Variants in COL24A1 observed in about 807,000 individuals in gnomAD.
The protein encoded by COL24A1 is collagen alpha-1(XXIV) chain.
In COL24A1, 224 loss-of-function variants were observed where a neutral mutation model predicts 253.9. That is an observed-to-expected ratio of 0.88 (90% CI 0.79 to 0.99). The LOEUF (loss-of-function observed/expected upper bound fraction) is 0.99, where lower values mean the gene tolerates loss of function less well. Ranked by LOEUF, COL24A1 falls within the 50% of genes least tolerant of loss-of-function variation. COL24A1 has a pLI of 0.00. For missense variants in COL24A1, 2,131 were observed against 2,068.5 expected (o/e 1.03, Z -0.59); for synonymous variants, 685 against 673.7 (o/e 1.02, Z -0.26).
intron 2 of COL24A1, among the ~76,000 whole-genome samples, chr1:86,141,086 G>A (rs1451403008): frequency 1.3e-5 from 2 of 152,146 alleles, no homozygotes; most frequent in African/African-American, 4.8e-5. Flanking sequence ...TTAATGAGTA[G>A]AAGAGACAAC....
chr1:86,048,132 T>A (rs1225423244), intron 11 of COL24A1, among the ~76,000 whole-genome samples: 3 of 148,282 alleles, frequency 2.0e-5, no homozygotes, highest in Non-Finnish European at 4.4e-5. Flanking sequence ...CTAAATCTCA[T>A]CAAGAAGCCA....
chr1:85,849,001 T>C (rs116521848), intron 38 of COL24A1, among the ~76,000 whole-genome samples: 2,337 of 152,294 alleles, frequency 0.015, 55 homozygotes, highest in African/African-American at 0.053. Flanking sequence ...TTCTCTTCCC[T>C]CAAATACTTT....
chr1:85,946,576 C>A (rs1433160128), intron 24 of COL24A1, among the ~76,000 whole-genome samples: 1 of 152,170 alleles, frequency 6.6e-6, no homozygotes, highest in African/African-American at 2.4e-5. Flanking sequence ...ACAACCATCA[C>A]CATTTCTTAA....
At chr1:85,992,196 GT>G (rs1244442542) in intron 19 of COL24A1, among the ~76,000 whole-genome samples, 1 of 152,040 alleles carries the variant, frequency 6.6e-6, no homozygotes, top group Non-Finnish European at 1.5e-5. Flanking sequence ...CCTTGCGATA[GT>G]TTGCTGAGAA....
chr1:86,133,119 G>T (rs1182567446), intron 2 of COL24A1, among the ~76,000 whole-genome samples: 1 of 152,112 alleles, frequency 6.6e-6, no homozygotes, highest in Non-Finnish European at 1.5e-5. Flanking sequence ...TGAAGCAATT[G>T]TGAATGGGAG....
intron 14 of COL24A1, among the ~76,000 whole-genome samples, chr1:86,027,605 C>G (rs958311457): frequency 6.6e-6 from 1 of 152,164 alleles, no homozygotes; most frequent in Admixed American, 6.5e-5. Context: ...CACAGGATGT[C>G]AGGAAATGCC....
At chr1:85,972,984 T>C in intron 20 of COL24A1, among the ~76,000 whole-genome samples, 1 of 152,228 alleles carries the variant, frequency 6.6e-6, no homozygotes, top group African/African-American at 2.4e-5. Flanking sequence ...AGTTTTCATA[T>C]ATTTATGTAA....
intron 37 of COL24A1, among the ~76,000 whole-genome samples, chr1:85,863,245 A>G (rs1306193320): frequency 6.6e-6 from 1 of 152,158 alleles, no homozygotes; most frequent in East Asian, 1.9e-4. Flanking sequence ...CTAAATATAC[A>G]ATCATGTCAT....
At chr1:85,916,636 G>T (rs1685925397) in intron 24 of COL24A1, among the ~76,000 whole-genome samples, 1 of 152,098 alleles carries the variant, frequency 6.6e-6, no homozygotes, top group South Asian at 2.1e-4. Flanking sequence ...CAGTAAGCCT[G>T]AGTGACAGAG....
In COL24A1 at chr1:85,944,671, A is replaced by G. The variant is rs190330239; in HGVS notation, c.2562+16578T>C. On this transcript the variant is annotated intron_variant, in intron 24 of 59. Coordinates refer to ENST00000370571, the MANE Select transcript of COL24A1 (RefSeq NM_152890.7). ...GTGCAGGTTAGTTACGTATGTATAC[A>G]TGTGCCATGATGGTGTGCTGCACCC... is the stretch of plus-strand genomic sequence containing the variant. Among the ~76,000 whole-genome samples the G allele has an allele frequency of 3.9e-5, 6 of 152,092 alleles. No individual in the cohort carries two copies. In the East Asian group the frequency reaches 7.8e-4, roughly 20 times the overall value.
Position 86,112,594 on chromosome 1 carries a change from A to AG in COL24A1, c.1571dup (p.Gly525TrpfsTer29), listed in dbSNP as rs750759033. The AG allele has an allele frequency of 4.3e-6, 7 of 1,613,426 alleles. No homozygotes were observed. The highest frequency in any genetic ancestry group is 5.9e-6 in the Non-Finnish European group (7 of 1,179,554). ...TTGGACCAGGTAATCCAGGTAAACC[A>AG]GGATTTCCATGTGGCCCTGGTATGC... On this transcript the variant is annotated frameshift_variant, in exon 5 of 60. Coordinates refer to ENST00000370571, the MANE Select transcript of COL24A1 (RefSeq NM_152890.7). LOFTEE classifies it high-confidence loss of function.
intron 57 of COL24A1, among the ~76,000 whole-genome samples, chr1:85,738,908 C>T (rs147989258): frequency 6.6e-6 from 1 of 152,268 alleles, no homozygotes; most frequent in Non-Finnish European, 1.5e-5. Context: ...ATCACTAAAA[C>T]ACACATAGCT....
rs145121617 is a variant in COL24A1 at position 85,756,684 on chromosome 1, C to G, written c.4437+4712G>C. 9.3e-3 allele frequency among the ~76,000 whole-genome samples: 1,410 copies of G among 152,206 alleles called. 57 individuals carry two copies. Among genetic ancestry groups the G allele is most frequent in the Admixed American group, 0.062 (954 of 15,280 alleles). Reference sequence around the variant, plus strand: ...TTCTCAAAAATTAGACATAGAATTACTACATGATACAACAGTTTCATTTCT... The same window carrying G: ...TTCTCAAAAATTAGACATAGAATTAGTACATGATACAACAGTTTCATTTCT... On this transcript the variant is annotated intron_variant, in intron 55 of 59. Transcript: ENST00000370571.
At chr1:86,057,256 C>T (rs1310649383) in intron 10 of COL24A1, among the ~76,000 whole-genome samples, 1 of 152,156 alleles carries the variant, frequency 6.6e-6, no homozygotes, top group African/African-American at 2.4e-5. Context: ...CTCCCTTCAC[C>T]TTCCGCTGTG....
chr1:85,862,841 A>G (rs1183621333), intron 37 of COL24A1, among the ~76,000 whole-genome samples: 2 of 152,168 alleles, frequency 1.3e-5, no homozygotes, highest in Non-Finnish European at 1.5e-5. Context: ...AACAAGAAAC[A>G]CTTCTGTGAA....
chr1:85,854,796 T>A (rs1235999206), intron 37 of COL24A1, among the ~76,000 whole-genome samples: 2 of 151,692 alleles, frequency 1.3e-5, no homozygotes, highest in Non-Finnish European at 2.9e-5. Context: ...CCTCACCTCC[T>A]GGGTTCAAGC....
intron 7 of COL24A1, among the ~76,000 whole-genome samples, chr1:86,065,495 G>A (rs1254582550): frequency 6.6e-6 from 1 of 152,138 alleles, no homozygotes; most frequent in Non-Finnish European, 1.5e-5. Context: ...CAAGGTGGCA[G>A]CACCATGCAG....
At chr1:86,097,822 T>C (rs1051926826) in intron 5 of COL24A1, among the ~76,000 whole-genome samples, 4 of 151,966 alleles carry the variant, frequency 2.6e-5, no homozygotes, top group African/African-American at 9.7e-5. Flanking sequence ...CTGATGACTG[T>C]AAACTGTATT....
chr1:85,817,494 C>T (rs1673163242), intron 46 of COL24A1, among the ~76,000 whole-genome samples: 1 of 151,884 alleles, frequency 6.6e-6, no homozygotes, highest in African/African-American at 2.4e-5. Flanking sequence ...GGCATCTAAT[C>T]CTTGGCTAGG....
Sources: allele counts gnomAD v4.1 joint callset (sites outside exome capture counted in the v4.1 genomes callset), GRCh38; gene constraint gnomAD v4.1.1; transcripts MANE v1.5; gene names NCBI Gene and HGNC (gene_info 2026-07-23, HGNC 2026-07-21).